The following MED13L variants were observed in gnomAD, a reference collection of about 807,000 sequenced individuals.
The protein encoded by MED13L is mediator complex subunit 13L.
In MED13L, 7 loss-of-function variants were observed where a neutral mutation model predicts 220.9. The ratio of observed to expected loss-of-function variants is 0.03; its 90% CI spans 0.02 to 0.06. The LOEUF (loss-of-function observed/expected upper bound fraction) is 0.06, where lower values mean the gene tolerates loss of function less well. MED13L is among the 10% of genes least tolerant of loss of function. MED13L has a pLI of 1.00. For synonymous variants in MED13L, 1,011 were observed against 1,015.2 expected, an observed-to-expected ratio of 1.00 and a Z score of 0.08; for missense variants, 1,965 against 2,760.5, an observed-to-expected ratio of 0.71 and a Z score of 6.46.
chr12:116,077,721 T>C (rs951076015), intron 4 of MED13L, among the ~76,000 whole-genome samples: 2 of 152,246 alleles, frequency 1.3e-5, no homozygotes, highest in African/African-American at 4.8e-5. Flanking sequence ...GAAGACTTAC[T>C]TTCTCACCCT....
At chr12:116,071,176 A>G (rs1210583917) in intron 4 of MED13L, among the ~76,000 whole-genome samples, 2 of 152,192 alleles carry the variant, frequency 1.3e-5, no homozygotes, top group East Asian at 3.8e-4. Flanking sequence ...ACTGAAAAAT[A>G]CCAGGATATA....
At chr12:116,228,204 CT>C (rs1400855090) in intron 2 of MED13L, among the ~76,000 whole-genome samples, 2 of 152,148 alleles carry the variant, frequency 1.3e-5, no homozygotes, top group Non-Finnish European at 2.9e-5. Context: ...TTCCATCTCC[CT>C]TACATAAAGA....
chr12:116,162,815 T>C (rs774788538), intron 2 of MED13L, among the ~76,000 whole-genome samples: 1 of 152,212 alleles, frequency 6.6e-6, no homozygotes, highest in Non-Finnish European at 1.5e-5. Context: ...ATTTTTCTCT[T>C]TTACTACGTC....
intron 22 of MED13L, 102 bp from the exon 23 acceptor site, chr12:115,981,040 TACC>T (rs776373990): frequency 2.2e-4 from 203 of 929,670 alleles, no homozygotes; most frequent in Non-Finnish European, 3.2e-4. Flanking sequence ...ATGAATTCCT[TACC>T]ACAATGGGGA....
chr12:116,068,297 A>T (rs192238339), intron 4 of MED13L, among the ~76,000 whole-genome samples: 1 of 152,360 alleles, frequency 6.6e-6, no homozygotes, highest in East Asian at 1.9e-4. Context: ...TCTCCACAAC[A>T]GCAAGGCTCA....
chr12:116,141,453 A>C (rs558926903), intron 2 of MED13L, among the ~76,000 whole-genome samples: 1 of 152,302 alleles, frequency 6.6e-6, no homozygotes, highest in African/African-American at 2.4e-5. Context: ...ATGCAAATAC[A>C]ATTATTCCTT....
chr12:115,983,386 A>C lies in MED13L; in HGVS notation c.4686T>G (p.Phe1562Leu). Reference protein sequence around the residue: ...GSAAPPAGSAFNPTSNSSSTN... With the variant: ...GSAAPPAGSALNPTSNSSSTN... ...TAGAACTACTATTCGAGGTGGGATT[A>C]AATGCACTGCCAGCTGGGGGAGCTG... The change falls in exon 21 of 31, where the codon TTT (phenylalanine) becomes TTG (leucine). Residue 1562 changes from phenylalanine (F) to leucine (L), a missense_variant. Phe to Leu is a conservative substitution (Grantham distance 22, BLOSUM62 0). This residue lies in a region of MED13L where 510 missense variants were observed against 620.4 expected (regional missense o/e 0.82). Coordinates refer to ENST00000281928, the MANE Select transcript of MED13L (RefSeq NM_015335.5). The C allele has an allele frequency of 6.2e-7, 1 of 1,614,176 alleles. No individual in the cohort carries two copies. Among genetic ancestry groups the C allele is most frequent in the Non-Finnish European group, 8.5e-7 (1 of 1,180,012 alleles).
chr12:116,187,211 G>T (rs1265206569), intron 2 of MED13L, among the ~76,000 whole-genome samples: 4 of 152,182 alleles, frequency 2.6e-5, no homozygotes, highest in African/African-American at 9.7e-5. Flanking sequence ...ATACAAAATA[G>T]TGGTTAAGAC....
In MED13L at chr12:115,960,189, CACCATATTTATA is replaced by C. The variant is rs1450355053; in HGVS notation, c.*1065_*1076del. 1 of 152,568 alleles carries C rather than the reference CACCATATTTATA, an allele frequency of 6.6e-6. No homozygotes were observed. The highest frequency in any genetic ancestry group is 1.5e-5 in the Non-Finnish European group (1 of 68,028). The allele number at this position is 152,568 out of a possible 1,614,324, so 9.5% of individuals were successfully genotyped here. ...ATATTCCTATGGTCCAGAAAAAATT[CACCATATTTATA>C]ACTGATTTCATGAGCAAACACTTTC... On this transcript the variant is annotated 3_prime_UTR_variant, in exon 31 of 31. Transcript: ENST00000281928.
intron 2 of MED13L, among the ~76,000 whole-genome samples, chr12:116,114,066 TTC>T (rs1052382199): frequency 1.3e-5 from 2 of 152,170 alleles, no homozygotes; most frequent in African/African-American, 2.4e-5. Flanking sequence ...GGTCTGCCAA[TTC>T]TCTCTTAAGT....
chr12:116,031,775 G>GAAAA (rs1880851953), intron 4 of MED13L, among the ~76,000 whole-genome samples: 1 of 142,220 alleles, frequency 7.0e-6, no homozygotes, highest in South Asian at 2.3e-4. Context: ...AAGGAAGGAA[G>GAAAA]GAAGGAAGGA....
chr12:116,112,167 A>G (rs1565882888), intron 2 of MED13L, among the ~76,000 whole-genome samples: 1 of 152,216 alleles, frequency 6.6e-6, no homozygotes. Context: ...AATCCAACGT[A>G]TTAACAATGC....
chr12:115,986,163 T>C lies in MED13L; in HGVS notation c.4338+103A>G, dbSNP rs998076347. The stretch of plus-strand genomic sequence containing the variant: ...TTCATCCACCTGTTTGCAAATTTTC[T>C]CTGAGATTTACTTTCAAGACATTTG... On this transcript the variant is annotated intron_variant, in intron 19 of 30. Transcript: ENST00000281928. 3.9e-6 allele frequency: 5 copies of C among 1,270,284 alleles called. No individual in the cohort carries two copies. In the African/African-American group the frequency reaches 7.3e-5, roughly 19 times the overall value. The allele number at this position is 1,270,284 out of a possible 1,614,324, so 78.7% of individuals were successfully genotyped here. A position where few individuals can be genotyped will look rare whatever the true frequency, so the allele number is the denominator to read the frequency against.
chr12:116,087,649 CCTAT>C lies in MED13L; in HGVS notation c.479+9016_479+9019del, dbSNP rs1871815357. On this transcript the variant is annotated intron_variant, in intron 4 of 30. Transcript: ENST00000281928. ...CAATCGCCTCCATTCCCCTTACAAT[CCTAT>C]CATCTGCCTTTCAGCCTTGTTTGGT... 2.0e-5 allele frequency among the ~76,000 whole-genome samples: 3 copies of C among 152,272 alleles called. No homozygotes were observed. The South Asian group carries it at 6.2e-4, about 32-fold the overall frequency.
chr12:116,078,306 T>A (rs1870973222), intron 4 of MED13L, among the ~76,000 whole-genome samples: 1 of 152,320 alleles, frequency 6.6e-6, no homozygotes, highest in South Asian at 2.1e-4. Flanking sequence ...TTTAACACTT[T>A]ATAATTCATA....
chr12:116,238,378 A>G (rs563031539), intron 1 of MED13L, among the ~76,000 whole-genome samples: 1 of 152,366 alleles, frequency 6.6e-6, no homozygotes, highest in African/African-American at 2.4e-5. Context: ...ACTTGCAACC[A>G]GCAGAGAACA....
intron 2 of MED13L, among the ~76,000 whole-genome samples, chr12:116,206,070 T>C (rs1189982549): frequency 1.3e-5 from 2 of 148,650 alleles, no homozygotes; most frequent in Non-Finnish European, 3.0e-5. Context: ...TTAAGTATTA[T>C]TACCTTTTTT....
rs1879045415 is a variant in MED13L, at chr12:116,006,351, C to G, written c.2299G>C (p.Asp767His). Residue 767 changes from aspartate to histidine, a missense_variant, in exon 12 of 31, where the codon GAT (aspartate) becomes CAT (histidine). By Grantham distance (81) the Asp-to-His change is moderately conservative (BLOSUM62 -1). Transcript: ENST00000281928. ...AAAATAGACATGGCATTTTTCCCATCAGGCACCGGCGTGGAATGACCTGGT... is the reference window on the plus strand; with the variant it reads ...AAAATAGACATGGCATTTTTCCCATGAGGCACCGGCGTGGAATGACCTGGT... Reference protein sequence around the residue: ...TTPGHSTPVPDGKNAMSIFSS... With the variant: ...TTPGHSTPVPHGKNAMSIFSS... The G allele has an allele frequency of 6.2e-7, 1 of 1,614,040 alleles. No individual in the cohort carries two copies. The highest frequency in any genetic ancestry group is 8.5e-7 in the Non-Finnish European group (1 of 1,179,950).
intron 4 of MED13L, among the ~76,000 whole-genome samples, chr12:116,061,776 G>A (rs1869510115): frequency 6.6e-6 from 1 of 152,066 alleles, no homozygotes; most frequent in South Asian, 2.1e-4. Flanking sequence ...GGGAGGCCGA[G>A]GCAGGCTGAT....
Sources: gnomAD v4.1 joint callset for allele counts (sites outside exome capture counted in the v4.1 genomes callset) on GRCh38, gnomAD v4.1.1 for gene constraint, gnomAD v4.1.1 regional missense constraint, MANE v1.5 for transcripts, NCBI Gene and HGNC (gene_info 2026-07-23, HGNC 2026-07-21) for gene names.